DAB1: variants seen among roughly 807,000 people sequenced by gnomAD.
The protein encoded by DAB1 is disabled homolog 1.
Under a neutral mutation model 64.6 loss-of-function variants are expected in DAB1, and 15 were observed. The observed-to-expected ratio is 0.23, with a 90% CI of 0.16 to 0.36. The LOEUF (loss-of-function observed/expected upper bound fraction) is 0.36, where lower values mean the gene tolerates loss of function less well. Among genes scored for constraint, DAB1 ranks in the 10% least tolerant of loss-of-function variants. The pLI, the probability that DAB1 is intolerant of heterozygous loss-of-function variation, is 1.00. For missense variants in DAB1, 596 were observed against 706.7 expected (o/e 0.84, Z 1.78); for synonymous variants, 235 against 251.9 (o/e 0.93, Z 0.64).
At chr1:57,387,436 T>C (rs1399748467) in intron 1 of DAB1, 1 of 151,948 alleles carries the variant, frequency 6.6e-6, no homozygotes, top group Non-Finnish European at 1.5e-5. Flanking sequence ...AATAATAAAA[T>C]AGATTACTGC....
intron 7 of DAB1, among the ~76,000 whole-genome samples, chr1:57,554,705 A>G (rs1644966298): frequency 6.6e-6 from 1 of 152,066 alleles, no homozygotes; most frequent in African/African-American, 2.4e-5. Flanking sequence ...TTTGCCTCCT[A>G]TTTTTTCTCC....
chr1:57,015,487 A>T lies in DAB1; in HGVS notation c.896-56T>A, dbSNP rs532238241. 6.8e-6 allele frequency: 10 copies of T among 1,472,760 alleles called. No homozygotes were observed. In the African/African-American group the frequency reaches 1.4e-4, roughly 21 times the overall value. The allele number at this position is 1,472,760 out of a possible 1,614,324, so 91.2% of individuals were successfully genotyped here. On this transcript the variant is annotated intron_variant, in intron 11 of 14. Coordinates refer to ENST00000371236, the MANE Select transcript of DAB1 (RefSeq NM_001365792.1). ...TTCCCTGGTGTCCTGGGAAAGAAGG[A>T]TGCATGGACTCAGGTAATTGACAGA...
chr1:57,320,767 T>C (rs1209565055), intron 1 of DAB1, among the ~76,000 whole-genome samples: 2 of 152,202 alleles, frequency 1.3e-5, no homozygotes, highest in Non-Finnish European at 2.9e-5. Context: ...AAGTACCCTA[T>C]ACATATAATC....
chr1:57,057,798 CG>C (rs1649957223), intron 9 of DAB1, among the ~76,000 whole-genome samples: 1 of 151,298 alleles, frequency 6.6e-6, no homozygotes. Context: ...TTAGTAGAGA[CG>C]GGGTTTCACT....
At chr1:57,773,846 T>C (rs1056679360) in intron 6 of DAB1, among the ~76,000 whole-genome samples, 2 of 152,074 alleles carry the variant, frequency 1.3e-5, no homozygotes, top group African/African-American at 2.4e-5. Flanking sequence ...ATCTCTGTTC[T>C]GTTTCATTTA....
At position 57,241,469 on chromosome 1, in the gene DAB1, T is replaced by C. The variant is rs76815312; in HGVS notation, c.67+49495A>G. 4.2e-3 allele frequency among the ~76,000 whole-genome samples: 640 copies of C among 152,288 alleles called. 8 individuals are homozygous for C. The highest frequency in any genetic ancestry group is 0.015 in the African/African-American group (606 of 41,552). On this transcript the variant is annotated intron_variant, in intron 2 of 14. Transcript: ENST00000371236. ...ACCAACCAGGGCACAAAATAGACCATCAGCCTCATTAGCAAATAGGGCCTA... is the reference window on the plus strand; with the variant it reads ...ACCAACCAGGGCACAAAATAGACCACCAGCCTCATTAGCAAATAGGGCCTA...
At chr1:57,719,204 T>C (rs1647121807) in intron 6 of DAB1, among the ~76,000 whole-genome samples, 2 of 152,240 alleles carry the variant, frequency 1.3e-5, no homozygotes, top group Non-Finnish European at 2.9e-5. Context: ...TTAATTTACA[T>C]TGTTGGCTGA....
intron 5 of DAB1, among the ~76,000 whole-genome samples, chr1:58,111,727 T>G (rs1481794815): frequency 6.6e-6 from 1 of 152,126 alleles, no homozygotes; most frequent in Non-Finnish European, 1.5e-5. Context: ...TCTATCCACT[T>G]GTCTCCACTT....
intron 5 of DAB1, among the ~76,000 whole-genome samples, chr1:58,021,441 C>A (rs949400530): frequency 6.6e-6 from 1 of 152,168 alleles, no homozygotes; most frequent in Non-Finnish European, 1.5e-5. Flanking sequence ...TGCTCAAATT[C>A]ACATGGCTAG....
chr1:57,806,848 T>C (rs1014518333), intron 6 of DAB1, among the ~76,000 whole-genome samples: 2 of 152,214 alleles, frequency 1.3e-5, no homozygotes, highest in Non-Finnish European at 2.9e-5. Flanking sequence ...ATTGTTTTTA[T>C]TCTTTAAAAC....
At chr1:57,789,968 C>T (rs1387734177) in intron 6 of DAB1, among the ~76,000 whole-genome samples, 1 of 152,152 alleles carries the variant, frequency 6.6e-6, no homozygotes, top group African/African-American at 2.4e-5. Context: ...AAGAACCTCA[C>T]ATATACACCT....
chr1:57,769,028 C>T (rs943489882), intron 6 of DAB1, among the ~76,000 whole-genome samples: 6 of 152,130 alleles, frequency 3.9e-5, no homozygotes, highest in Non-Finnish European at 8.8e-5. Flanking sequence ...GCCCTTCACC[C>T]ACCTACAGCC....
At chr1:57,241,701 A>G (rs977638344) in intron 2 of DAB1, among the ~76,000 whole-genome samples, 1 of 152,160 alleles carries the variant, frequency 6.6e-6, no homozygotes, top group Non-Finnish European at 1.5e-5. Context: ...TTCTGAGTCT[A>G]GCCTTTGCCA....
intron 9 of DAB1, among the ~76,000 whole-genome samples, chr1:57,026,604 C>A (rs945096307): frequency 6.6e-6 from 1 of 152,148 alleles, no homozygotes; most frequent in Non-Finnish European, 1.5e-5. Context: ...TTTCTGAATA[C>A]AGAGAATGCA....
chr1:57,004,163 C>T (rs1454638197), intron 14 of DAB1, among the ~76,000 whole-genome samples: 2 of 152,146 alleles, frequency 1.3e-5, no homozygotes, highest in African/African-American at 4.8e-5. Flanking sequence ...AGTGGAGAGC[C>T]AGGGAGCAGC....
chr1:58,398,506 C>G (rs1046595581), intron 3 of DAB1, among the ~76,000 whole-genome samples: 1 of 152,250 alleles, frequency 6.6e-6, no homozygotes, highest in African/African-American at 2.4e-5. Flanking sequence ...GTTTTCACAT[C>G]TGTACCCACT....
At chr1:58,514,061 A>C (rs2100434499) in intron 2 of DAB1, among the ~76,000 whole-genome samples, 1 of 152,350 alleles carries the variant, frequency 6.6e-6, no homozygotes, top group South Asian at 2.1e-4. Context: ...TCCAGGACTC[A>C]GAACATAGTG....
chr1:57,237,701 T>C (rs970749096), intron 2 of DAB1, among the ~76,000 whole-genome samples: 33 of 152,318 alleles, frequency 2.2e-4, no homozygotes, highest in African/African-American at 7.0e-4. Flanking sequence ...AAAACATCAT[T>C]CCCACTTTCT....
intron 4 of DAB1, among the ~76,000 whole-genome samples, chr1:58,256,731 C>T (rs779181034): frequency 6.7e-6 from 1 of 150,328 alleles, no homozygotes; most frequent in Non-Finnish European, 1.5e-5. Flanking sequence ...TCTCCATAGC[C>T]CCAAAATCTA....
Sources: gnomAD v4.1 joint callset for allele counts (sites outside exome capture counted in the v4.1 genomes callset) on GRCh38, gnomAD v4.1.1 for gene constraint, MANE v1.5 for transcripts, NCBI Gene and HGNC (gene_info 2026-07-23, HGNC 2026-07-21) for gene names.